BTNL2: variants seen among roughly 807,000 people sequenced by gnomAD.
BTNL2 encodes butyrophilin-like protein 2.
BTNL2 carries 46 observed loss-of-function variants against 46.8 expected under a neutral mutation model. The ratio of observed to expected loss-of-function variants is 0.98; its 90% confidence interval spans 0.78 to 1.26. The LOEUF (loss-of-function observed/expected upper bound fraction) is 1.26. BTNL2 is among the 50% of genes most tolerant of loss of function. The probability of loss-of-function intolerance (pLI) is 0.00; values close to 1 mark genes in which losing one functional copy is unlikely to be tolerated. For missense variants in BTNL2, 461 were observed against 592.6 expected (o/e 0.78, Z 2.31); for synonymous variants, 226 against 229.1 (o/e 0.99, Z 0.12).
intron 2 of BTNL2, among the ~76,000 whole-genome samples, 186 bp from the exon 3 acceptor site, chr6:32,403,402 G>C (rs2076522): frequency 0.24 from 36,287 of 152,076 alleles, 4,544 homozygotes; most frequent in Admixed American, 0.29. Context: ...CCCCAGTCTG[G>C]GTCTTTACAT....
intron 5 of BTNL2, among the ~76,000 whole-genome samples, chr6:32,395,434 G>A (rs1776381617): frequency 6.6e-6 from 1 of 152,092 alleles, no homozygotes; most frequent in Non-Finnish European, 1.5e-5. Flanking sequence ...TTCTCAACAT[G>A]CGCTCCCATG....
At chr6:32,401,076 C>T (rs1437014894) in intron 4 of BTNL2, among the ~76,000 whole-genome samples, 5 of 147,150 alleles carry the variant, frequency 3.4e-5, no homozygotes, top group Admixed American at 2.0e-4. Context: ...GGCGTGGTGG[C>T]GGTTGCCTGT....
Position 32,396,616 on chromosome 6 carries a change from T to A in BTNL2, c.731-230A>T, listed in dbSNP as rs1169742564. Among the ~76,000 whole-genome samples the A allele has an allele frequency of 6.6e-6, 1 of 152,126 alleles. No individual in the cohort carries two copies. The highest frequency in any genetic ancestry group is 2.4e-5 in the African/African-American group (1 of 41,430). On this transcript the variant is annotated intron_variant, in intron 4 of 7. Transcript: ENST00000454136. This position sits in a 1 kb window ranked among gnomAD's most constrained non-coding sequence, Gnocchi z 4.4. ...GTGTCAGTCTGAGTAAAACAGTAATTGAATCCCTACCTGCTTCTACCTGTA... is the reference window on the plus strand; with the variant it reads ...GTGTCAGTCTGAGTAAAACAGTAATAGAATCCCTACCTGCTTCTACCTGTA...
rs1223723142 is a variant in BTNL2 at position 32,394,917 on chromosome 6, T to A, written c.1187A>T (p.Asp396Val). 4 of 1,614,064 alleles carry A rather than the reference T, an allele frequency of 2.5e-6. No homozygotes were observed. In the African/African-American group the frequency reaches 4.0e-5, roughly 16 times the overall value. ...TGATGGTATCGTCTTTCCTTCCATG[T>A]CCCTCCATGGCACGTGGGGCTGTGG... is the stretch of plus-strand genomic sequence containing the variant. ...WFPQPHVPWRDMEGKTIPSSS... is the reference protein window; with the variant it reads ...WFPQPHVPWRVMEGKTIPSSS... Residue 396 changes from aspartate (D) to valine (V), a missense_variant, in exon 6 of 8, where the codon GAC becomes GTC. Transcript: ENST00000454136. The surrounding 1 kb of genome is among the most constrained non-coding windows in gnomAD (Gnocchi z 4.6).
At position 32,403,178 on chromosome 6, in the gene BTNL2, C is replaced by A; in HGVS notation, c.466G>T (p.Gly156Trp). The change falls in exon 3 of 8, where the codon GGG becomes TGG. Residue 156 changes from glycine (G) to tryptophan (W), a missense_variant. Transcript: ENST00000454136. ...SAPSIHMEGP[G>W]ESGVQLVCTA... ...CACACAAGCTGGACTCCACTCTCCC[C>A]AGGTCCCTCCATGTGGATGCTAGGG... 6.2e-7 allele frequency: 1 copy of A among 1,610,254 alleles called. No homozygotes were observed.
intron 5 of BTNL2, among the ~76,000 whole-genome samples, chr6:32,395,564 C>A (rs951115106): frequency 6.6e-6 from 1 of 152,212 alleles, no homozygotes; most frequent in Non-Finnish European, 1.5e-5. Context: ...AATTCTCACA[C>A]ACACGGACAG....
At chr6:32,401,715 T>G (rs1776794280) in intron 4 of BTNL2, 70 bp downstream of exon 4, 9 of 1,450,670 alleles carry the variant, frequency 6.2e-6, no homozygotes, top group Non-Finnish European at 8.5e-6. Context: ...GGTCTCGTGG[T>G]AGCTCCCCTC....
rs764919831 is a variant in BTNL2, at chr6:32,396,326, T to G, written c.791A>C (p.Gln264Pro). 2 of 1,612,688 alleles carry G rather than the reference T, an allele frequency of 1.2e-6. No individual in the cohort carries two copies. The highest frequency in any genetic ancestry group is 1.7e-6 in the Non-Finnish European group (2 of 1,179,800). The change falls in exon 5 of 8, where the codon CAG becomes CCG. Residue 264 changes from glutamine to proline, a missense_variant. Coordinates refer to ENST00000454136, the MANE Select transcript of BTNL2 (RefSeq NM_001304561.2). This position sits in a 1 kb window ranked among gnomAD's most constrained non-coding sequence, Gnocchi z 4.4. ...PILVRVGEDI[Q>P]LTCYLSPKAN... ...CTTGGGGGACAGGTAACAGGTTAGCTGTATATCTTCTCCCACTCTGACGAG... is the reference window on the plus strand; with the variant it reads ...CTTGGGGGACAGGTAACAGGTTAGCGGTATATCTTCTCCCACTCTGACGAG...
At chr6:32,404,864 C>G in intron 2 of BTNL2, 75 bp downstream of exon 2, 1 of 1,378,086 alleles carries the variant, frequency 7.3e-7, no homozygotes, top group South Asian at 1.3e-5. Context: ...AGGATTTCCT[C>G]AACTGTCACA....
chr6:32,395,049 G>T, intron 5 of BTNL2, 24 bp from the exon 6 acceptor site: 1 of 1,537,176 alleles, frequency 6.5e-7, no homozygotes. Context: ...AGCAACCAAA[G>T]CCTGGGGTCC....
In BTNL2 at chr6:32,394,677, A is replaced by G. The variant is rs1430044212; in HGVS notation, c.1360+67T>C. 1.5e-5 allele frequency: 22 copies of G among 1,498,012 alleles called. No homozygotes were observed. The highest frequency in any genetic ancestry group is 2.3e-5 in the East Asian group (1 of 43,926). The allele number at this position is 1,498,012 out of a possible 1,614,324, so 92.8% of individuals were successfully genotyped here. A position where few individuals can be genotyped will look rare whatever the true frequency, so the allele number is the denominator to read the frequency against. On this transcript the variant is annotated intron_variant, in intron 6 of 7. Coordinates refer to ENST00000454136, the MANE Select transcript of BTNL2 (RefSeq NM_001304561.2). The surrounding 1 kb of genome is among the most constrained non-coding windows in gnomAD (Gnocchi z 4.6). ...ATCACAAAGGAAGAAGAGCAATACA[A>G]TGAGTAAGTCTGAGTTGGTCTTCAT...
rs373704474 is a variant in BTNL2 at position 32,407,084 on chromosome 6, C to T, written c.40G>A (p.Ala14Thr). 1.1e-5 allele frequency: 17 copies of T among 1,612,816 alleles called. No homozygotes were observed. Among genetic ancestry groups the T allele is most frequent in the Non-Finnish European group, 9.3e-6 (11 of 1,179,978 alleles). Residue 14 changes from alanine to threonine, a missense_variant, in exon 1 of 8, where the codon GCC becomes ACC. Ala to Thr is a moderately conservative substitution (Grantham distance 58, BLOSUM62 0). Transcript: ENST00000454136. ...FPGYNLSGAV[A>T]SFLFILLTMK... is the part of the protein sequence containing the mutation. ...GTCAGCAGGATGAATAGGAAGGAGG[C>T]GACTGCACCAGACAGATTGTAGCCT...
chr6:32,394,779 A>G lies in BTNL2; in HGVS notation c.1325T>C (p.Leu442Ser). The G allele has an allele frequency of 6.2e-7, 1 of 1,613,216 alleles. No homozygotes were observed. Among genetic ancestry groups the G allele is most frequent in the Non-Finnish European group, 8.5e-7 (1 of 1,179,370 alleles). Residue 442 changes from leucine to serine, a missense_variant, in exon 6 of 8, where the codon TTG becomes TCG. Leu to Ser is a moderately radical substitution (Grantham distance 145). Transcript: ENST00000454136. The surrounding 1 kb of genome is among the most constrained non-coding windows in gnomAD (Gnocchi z 4.6). ...DVTCSISIPF[L>S]GEEKIATFSL... The stretch of plus-strand genomic sequence containing the variant: ...AAAAGTTGCGATTTTCTCCTCGCCC[A>G]AAAAGGGGATGCTGATGGAACAAGT...
rs17208755 is a variant in BTNL2, at chr6:32,393,806, T to A, written c.*6+157A>T. ...CATGCATCACTGAGCCTGGATTGCATGATAAGCCCTGGGCTTTCCTGTTTC... is the reference window on the plus strand; with the variant it reads ...CATGCATCACTGAGCCTGGATTGCAAGATAAGCCCTGGGCTTTCCTGTTTC... On this transcript the variant is annotated intron_variant, in intron 7 of 7. Transcript: ENST00000454136. This position sits in a 1 kb window ranked among gnomAD's most constrained non-coding sequence, Gnocchi z 4.8. The A allele has an allele frequency of 0.1, 102,326 of 1,017,124 alleles. 5,909 individuals carry two copies. The highest frequency in any genetic ancestry group is 0.12 in the African/African-American group (7,177 of 60,966). The allele number at this position is 1,017,124 out of a possible 1,614,324, so 63.0% of individuals were successfully genotyped here.
At chr6:32,400,930 C>T (rs1025325198) in intron 4 of BTNL2, among the ~76,000 whole-genome samples, 2 of 112,884 alleles carry the variant, frequency 1.8e-5, no homozygotes, top group Non-Finnish European at 3.7e-5. Context: ...AAAAAAATGC[C>T]CGGCGTGGTG....
intron 4 of BTNL2, among the ~76,000 whole-genome samples, chr6:32,398,804 C>T (rs1052525593): frequency 1.3e-5 from 2 of 152,146 alleles, no homozygotes; most frequent in Non-Finnish European, 2.9e-5. Flanking sequence ...CTCCTTTTGT[C>T]CAGAATCCAA....
At position 32,405,166 on chromosome 6, in the gene BTNL2, C is replaced by G; in HGVS notation, c.200G>C (p.Arg67Pro). 6.2e-7 allele frequency: 1 copy of G among 1,613,060 alleles called. No homozygotes were observed. The highest frequency in any genetic ancestry group is 1.1e-5 in the South Asian group (1 of 91,080). The change falls in exon 2 of 8, where the codon CGC becomes CCC. Residue 67 changes from arginine to proline, a missense_variant. Transcript: ENST00000454136. ...AAACACAGGTGTGCTGGGCTCTGAG[C>G]GGTACCACCTCACCTCCACGTGCAT... ...TTMHVEVRWY[R>P]SEPSTPVFVH...
Position 32,397,343 on chromosome 6 carries a change from C to A in BTNL2, c.731-957G>T, listed in dbSNP as rs184651032. ...TTGAAACCCTGTTCAAATCGGCAAA[C>A]GCCAGGCTGCAACCAATAGAGCTGT... is the stretch of plus-strand genomic sequence containing the variant. On this transcript the variant is annotated intron_variant, in intron 4 of 7. Coordinates refer to ENST00000454136, the MANE Select transcript of BTNL2 (RefSeq NM_001304561.2). Among the ~76,000 whole-genome samples, 811 of 152,256 alleles carry A rather than the reference C, an allele frequency of 5.3e-3. 9 individuals carry two copies. The highest frequency in any genetic ancestry group is 0.018 in the African/African-American group (766 of 41,560).
chr6:32,395,222 AT>A (rs1009721728), intron 5 of BTNL2, among the ~76,000 whole-genome samples, 197 bp from the exon 6 acceptor site: 1 of 152,258 alleles, frequency 6.6e-6, no homozygotes, highest in Non-Finnish European at 1.5e-5. Context: ...TATTCTTTGT[AT>A]TCCTAAATCA....
Sources: gnomAD v4.1 joint callset for allele counts (sites outside exome capture counted in the v4.1 genomes callset) on GRCh38, gnomAD v4.1.1 for gene constraint, Gnocchi (gnomAD v3.1) non-coding constraint, MANE v1.5 for transcripts, NCBI Gene and HGNC (gene_info 2026-07-23, HGNC 2026-07-21) for gene names.